Variants in TPRG1 observed in about 807,000 individuals in gnomAD.
The protein encoded by TPRG1 is tumor protein p63 regulated 1.
Under a neutral mutation model 29.3 loss-of-function variants are expected in TPRG1, and 29 were observed. The ratio of observed to expected loss-of-function variants is 0.99; its 90% CI spans 0.74 to 1.35. The LOEUF (loss-of-function observed/expected upper bound fraction) is 1.35, where lower values mean the gene tolerates loss of function less well. TPRG1 is among the 40% of genes most tolerant of loss of function. TPRG1 has a pLI of 0.00. For synonymous variants in TPRG1, 130 were observed against 116.8 expected (o/e 1.11, Z -0.73); for missense variants, 327 against 335.0 (o/e 0.98, Z 0.19).
At chr3:189,068,255 G>T (rs1716582118) in intron 4 of TPRG1, among the ~76,000 whole-genome samples, 1 of 152,154 alleles carries the variant, frequency 6.6e-6, no homozygotes, top group African/African-American at 2.4e-5. Flanking sequence ...CAGTATGGTG[G>T]TTCCTCAGAA....
In TPRG1 at chr3:189,288,672, C is replaced by T. The variant is rs191705688; in HGVS notation, c.480-21714C>T. 7.5e-4 allele frequency among the ~76,000 whole-genome samples: 114 copies of T among 152,346 alleles called. No individual in the cohort carries two copies. The Middle Eastern group carries it at 0.014, about 18-fold the overall frequency. On this transcript the variant is annotated intron_variant, in intron 4 of 5. Transcript: ENST00000345063. ...GGGTCAAAGGCTTCTCACCTCTAAG[C>T]CTAACTCTGGGCAAACAGTATCATT...
At position 189,088,032 on chromosome 3, in the gene TPRG1, C is replaced by A. The variant is rs148718231; in HGVS notation, c.-462-39025C>A. On this transcript the variant is annotated intron_variant, in intron 4 of 10. Transcript: ENST00000433971. ...ATGAACTTTAAAGTTTTTTCCAATTCTATGAAGAAAGTCATTGGTAGCTTG... is the reference window on the plus strand; with the variant it reads ...ATGAACTTTAAAGTTTTTTCCAATTATATGAAGAAAGTCATTGGTAGCTTG... 2.0e-3 allele frequency among the ~76,000 whole-genome samples: 311 copies of A among 152,254 alleles called. 4 individuals are homozygous for A. Among genetic ancestry groups the A allele is most frequent in the African/African-American group, 7.0e-3 (290 of 41,538 alleles).
At chr3:189,056,123 G>C (rs1288749113) in intron 4 of TPRG1, among the ~76,000 whole-genome samples, 1 of 135,784 alleles carries the variant, frequency 7.4e-6, no homozygotes, top group Non-Finnish European at 1.5e-5. Flanking sequence ...CTGAGAGAGA[G>C]TCTCATTCCA....
In TPRG1 at chr3:189,190,907, C is replaced by A. The variant is rs959380867; in HGVS notation, c.-9-16469C>A. On this transcript the variant is annotated intron_variant, in intron 1 of 5. Coordinates refer to ENST00000345063, the MANE Select transcript of TPRG1 (RefSeq NM_198485.4). ...GTCATACATTTACAGAAAGGCTGAT[C>A]AAAACCAAACATTATCCCTTTGCAA... 19 of 972,618 alleles carry A rather than the reference C, an allele frequency of 2.0e-5. No individual in the cohort carries two copies. The Admixed American group carries it at 2.5e-4, about 13-fold the overall frequency. 60.2% of individuals were successfully genotyped at this position (972,618 alleles called of 1,614,324 possible).
At chr3:189,123,168 A>G (rs1372760630) in intron 1 of TPRG1, among the ~76,000 whole-genome samples, 1 of 152,224 alleles carries the variant, frequency 6.6e-6, no homozygotes, top group Non-Finnish European at 1.5e-5. Context: ...TAGCCCCTTT[A>G]AAGAATTTAT....
At chr3:189,079,805 CTA>C (rs1578305741) in intron 4 of TPRG1, among the ~76,000 whole-genome samples, 1 of 152,324 alleles carries the variant, frequency 6.6e-6, no homozygotes, top group East Asian at 1.9e-4. Flanking sequence ...AAGATCTCAT[CTA>C]TGAGGCCAAA....
At chr3:189,177,825 A>G (rs1181223441) in intron 1 of TPRG1, among the ~76,000 whole-genome samples, 1 of 152,188 alleles carries the variant, frequency 6.6e-6, no homozygotes, top group Non-Finnish European at 1.5e-5. Flanking sequence ...ATGCATCCCT[A>G]AATTATCAAC....
chr3:189,318,202 G>A (rs926372971), intron 5 of TPRG1, among the ~76,000 whole-genome samples: 3 of 152,144 alleles, frequency 2.0e-5, no homozygotes, highest in African/African-American at 7.2e-5. Flanking sequence ...ATCCTAACAT[G>A]CAGAAGACAT....
intron 4 of TPRG1, among the ~76,000 whole-genome samples, chr3:189,251,838 G>A (rs546802503): frequency 6.6e-6 from 1 of 152,248 alleles, no homozygotes; most frequent in Non-Finnish European, 1.5e-5. Flanking sequence ...GGGACGGGCA[G>A]GAGACAGATG....
intron 2 of TPRG1, among the ~76,000 whole-genome samples, chr3:189,001,309 A>C (rs1712007390): frequency 6.6e-6 from 1 of 152,082 alleles, no homozygotes; most frequent in South Asian, 2.1e-4. Context: ...AAGAAATTTT[A>C]CTCTTTGTCC....
At chr3:189,275,167 C>T (rs1296071352) in intron 4 of TPRG1, among the ~76,000 whole-genome samples, 4 of 152,220 alleles carry the variant, frequency 2.6e-5, no homozygotes, top group Non-Finnish European at 5.9e-5. Context: ...TTCTACTTGA[C>T]AACTTGACTT....
At chr3:189,202,628 T>A (rs1733682622) in intron 1 of TPRG1, among the ~76,000 whole-genome samples, 1 of 152,194 alleles carries the variant, frequency 6.6e-6, no homozygotes, top group African/African-American at 2.4e-5. Flanking sequence ...AAAGCTGTTT[T>A]TTTCCTTCTT....
intron 4 of TPRG1, among the ~76,000 whole-genome samples, chr3:189,039,851 T>TG (rs1714519918): frequency 6.6e-6 from 1 of 151,784 alleles, no homozygotes; most frequent in Admixed American, 6.6e-5. Flanking sequence ...ATTTTTTTTT[T>TG]TGACTTTTCA....
At chr3:189,143,144 C>T (rs942147982) in intron 3 of TPRG1, among the ~76,000 whole-genome samples, 1 of 146,250 alleles carries the variant, frequency 6.8e-6, no homozygotes, top group African/African-American at 2.5e-5. Context: ...TATAATATTG[C>T]AATTTTTAGG....
intron 4 of TPRG1, among the ~76,000 whole-genome samples, chr3:189,259,415 G>A (rs1392329624): frequency 6.7e-6 from 1 of 150,362 alleles, no homozygotes; most frequent in African/African-American, 2.5e-5. Flanking sequence ...CTTGCTGGGA[G>A]CTGCAGGCTG....
At chr3:189,013,978 T>C (rs564539707) in intron 3 of TPRG1, among the ~76,000 whole-genome samples, 21 of 152,298 alleles carry the variant, frequency 1.4e-4, no homozygotes, top group East Asian at 5.8e-4. Context: ...TGTCTTTTCA[T>C]TGGGGGCCCA....
At chr3:189,118,927 G>A (rs1262687519) in intron 1 of TPRG1, among the ~76,000 whole-genome samples, 3 of 152,228 alleles carry the variant, frequency 2.0e-5, no homozygotes, top group Admixed American at 6.5e-5. Context: ...TCCTCACTGG[G>A]GCACTGCCTT....
At chr3:189,058,381 C>G (rs1715872401) in intron 4 of TPRG1, among the ~76,000 whole-genome samples, 1 of 152,152 alleles carries the variant, frequency 6.6e-6, no homozygotes, top group African/African-American at 2.4e-5. Context: ...CAGAAAGTCT[C>G]CACAATTGTA....
chr3:189,208,450 C>T (rs1414978457), intron 2 of TPRG1, among the ~76,000 whole-genome samples: 1 of 152,122 alleles, frequency 6.6e-6, no homozygotes, highest in East Asian at 1.9e-4. Context: ...AACTCATTCT[C>T]ATAAAAAATT....
Sources: gnomAD v4.1 joint callset for allele counts (sites outside exome capture counted in the v4.1 genomes callset) on GRCh38, gnomAD v4.1.1 for gene constraint, MANE v1.5 for transcripts, NCBI Gene and HGNC (gene_info 2026-07-23, HGNC 2026-07-21) for gene names.